The following GRID2 variants were observed in gnomAD, a reference collection of about 807,000 sequenced individuals.
GRID2 encodes the protein glutamate receptor ionotropic, delta-2.
GRID2 carries 33 observed loss-of-function variants against 114.8 expected under a neutral mutation model. The observed-to-expected ratio is 0.29, with a 90% CI of 0.22 to 0.38. The LOEUF (loss-of-function observed/expected upper bound fraction) is 0.38. Ranked by LOEUF, GRID2 falls within the 10% of genes least tolerant of loss-of-function variation. GRID2 has a pLI of 1.00. For missense variants in GRID2, 1,184 were observed against 1,257.7 expected (o/e 0.94, Z 0.89); for synonymous variants, 505 against 449.9 (o/e 1.12, Z -1.55).
intron 1 of GRID2, among the ~76,000 whole-genome samples, chr4:92,364,301 T>TA (rs1241644824): frequency 6.6e-6 from 1 of 152,192 alleles, no homozygotes; most frequent in East Asian, 1.9e-4. Flanking sequence ...AGGTTTCTGT[T>TA]ATGCAAAGTT....
chr4:93,162,894 G>A (rs1237721860), intron 4 of GRID2, among the ~76,000 whole-genome samples: 1 of 151,892 alleles, frequency 6.6e-6, no homozygotes, highest in Non-Finnish European at 1.5e-5. Flanking sequence ...AAGATTAAAT[G>A]AAGAGAAAAG....
intron 2 of GRID2, among the ~76,000 whole-genome samples, chr4:92,707,167 A>G (rs552731824): frequency 3.9e-5 from 6 of 152,318 alleles, no homozygotes; most frequent in Middle Eastern, 3.4e-3. Flanking sequence ...AAGGAAAATA[A>G]AAAGTACATT....
intron 12 of GRID2, among the ~76,000 whole-genome samples, chr4:93,501,414 A>G (rs1399784505): frequency 6.6e-6 from 1 of 151,972 alleles, no homozygotes; most frequent in Non-Finnish European, 1.5e-5. Flanking sequence ...TTTCTGTTTC[A>G]TTTTAGTACA....
At chr4:92,309,912 C>T (rs1215936630) in intron 1 of GRID2, among the ~76,000 whole-genome samples, 1 of 151,786 alleles carries the variant, frequency 6.6e-6, no homozygotes, top group Non-Finnish European at 1.5e-5. Flanking sequence ...CAGCTTCTAA[C>T]GGTGGTAGCT....
intron 14 of GRID2, among the ~76,000 whole-genome samples, chr4:93,662,063 T>G (rs2149738657): frequency 6.6e-6 from 1 of 152,274 alleles, no homozygotes; most frequent in African/African-American, 2.4e-5. Flanking sequence ...TTCCCTGAGG[T>G]TTATGGAACA....
chr4:93,058,743 A>T (rs1727500286), intron 2 of GRID2, among the ~76,000 whole-genome samples: 1 of 151,964 alleles, frequency 6.6e-6, no homozygotes, highest in African/African-American at 2.4e-5. Context: ...TTTAATGTTT[A>T]AAAATATTTT....
chr4:92,711,406 T>C (rs1319292257), intron 2 of GRID2, among the ~76,000 whole-genome samples: 2 of 152,180 alleles, frequency 1.3e-5, no homozygotes, highest in African/African-American at 4.8e-5. Context: ...ATTAGCAGAA[T>C]CCATTTCTTT....
intron 4 of GRID2, among the ~76,000 whole-genome samples, chr4:93,170,695 G>T (rs924178900): frequency 1.3e-5 from 2 of 152,090 alleles, no homozygotes; most frequent in Admixed American, 6.6e-5. Flanking sequence ...TCTGATTGGC[G>T]CAGCTTTGGG....
At chr4:93,097,650 G>A (rs1197137247) in intron 3 of GRID2, among the ~76,000 whole-genome samples, 2 of 151,830 alleles carry the variant, frequency 1.3e-5, no homozygotes, top group Admixed American at 1.3e-4. Flanking sequence ...TGAGGCATCT[G>A]GAAACAGCAA....
intron 2 of GRID2, among the ~76,000 whole-genome samples, chr4:92,829,507 A>C (rs1022113556): frequency 6.6e-6 from 1 of 152,112 alleles, no homozygotes; most frequent in Non-Finnish European, 1.5e-5. Flanking sequence ...AATTAGTTGA[A>C]CCATTGTGGA....
intron 1 of GRID2, among the ~76,000 whole-genome samples, chr4:92,561,448 G>A (rs1253431592): frequency 6.6e-6 from 1 of 152,166 alleles, no homozygotes; most frequent in African/African-American, 2.4e-5. Flanking sequence ...ATAAAGAAAT[G>A]TTTCATACCA....
chr4:92,477,112 T>G (rs1016611384), intron 1 of GRID2, among the ~76,000 whole-genome samples: 6 of 149,746 alleles, frequency 4.0e-5, no homozygotes, highest in African/African-American at 1.2e-4. Context: ...CTTAGTATTG[T>G]TAGACTATGA....
intron 8 of GRID2, among the ~76,000 whole-genome samples, chr4:93,274,857 C>A: frequency 6.6e-6 from 1 of 151,906 alleles, no homozygotes; most frequent in Non-Finnish European, 1.5e-5. Flanking sequence ...CTGAAAAATA[C>A]CTATTCTACT....
chr4:93,143,690 A>C (rs1735956300), intron 4 of GRID2, among the ~76,000 whole-genome samples: 1 of 152,168 alleles, frequency 6.6e-6, no homozygotes, highest in African/African-American at 2.4e-5. Flanking sequence ...TTAATGACTA[A>C]ATTTTCATTT....
chr4:93,017,469 A>T (rs1038731338), intron 2 of GRID2, among the ~76,000 whole-genome samples: 3 of 152,232 alleles, frequency 2.0e-5, no homozygotes, highest in South Asian at 4.1e-4. Flanking sequence ...AGTATTAGTG[A>T]TAAAATACTT....
At chr4:92,669,642 T>A (rs941916651) in intron 2 of GRID2, among the ~76,000 whole-genome samples, 1 of 151,938 alleles carries the variant, frequency 6.6e-6, no homozygotes, top group South Asian at 2.1e-4. Flanking sequence ...TATACACCTA[T>A]TCCATGTGGG....
At chr4:93,222,720 G>GT (rs1249962308) in intron 6 of GRID2, among the ~76,000 whole-genome samples, 2 of 151,934 alleles carry the variant, frequency 1.3e-5, no homozygotes, top group Non-Finnish European at 2.9e-5. Flanking sequence ...GCGGTGTTTG[G>GT]TTTTTTGTCC....
chr4:93,411,370 G>A (rs960076602), intron 9 of GRID2, among the ~76,000 whole-genome samples: 1 of 151,718 alleles, frequency 6.6e-6, no homozygotes, highest in African/African-American at 2.4e-5. Context: ...ATTCAAAAAT[G>A]TAGCTTTGTA....
intron 3 of GRID2, among the ~76,000 whole-genome samples, chr4:93,109,684 A>G (rs1732584710): frequency 6.6e-6 from 1 of 152,078 alleles, no homozygotes; most frequent in African/African-American, 2.4e-5. Flanking sequence ...TGCCCTTTAA[A>G]TATTTTATTC....
Sources: allele counts gnomAD v4.1 joint callset (sites outside exome capture counted in the v4.1 genomes callset), GRCh38; gene constraint gnomAD v4.1.1; transcripts MANE v1.5; gene names NCBI Gene and HGNC (gene_info 2026-07-23, HGNC 2026-07-21).